The following RECQL variants were observed in gnomAD, a reference collection of about 807,000 sequenced individuals.
RECQL encodes RecQ like helicase.
RECQL carries 73 observed loss-of-function variants against 75.8 expected under a neutral mutation model. That is an observed-to-expected ratio of 0.96 (90% CI 0.80 to 1.17). The LOEUF is 1.17. Ranked by LOEUF, RECQL falls within the 50% of genes most tolerant of loss-of-function variation. The pLI, the probability that RECQL is intolerant of heterozygous loss-of-function variation, is 0.00. For synonymous variants in RECQL, 248 were observed against 254.4 expected (o/e 0.97, Z 0.24); for missense variants, 699 against 772.1 (o/e 0.91, Z 1.12).
chr12:21,483,891 T>C (rs1591981937), intron 5 of RECQL, among the ~76,000 whole-genome samples: 1 of 152,312 alleles, frequency 6.6e-6, no homozygotes, highest in Non-Finnish European at 1.5e-5. Context: ...AAATTGTTCA[T>C]AATATATTCT....
intron 7 of RECQL, 71 bp downstream of exon 7, chr12:21,477,728 TAAAC>T: frequency 7.9e-7 from 1 of 1,258,804 alleles, no homozygotes; most frequent in Non-Finnish European, 1.1e-6. Context: ...CTCATGTAAA[TAAAC>T]ATAATAAAAA....
rs192900691 is a variant in RECQL at position 21,487,070 on chromosome 12, T to C, written c.395-485A>G. Among the ~76,000 whole-genome samples, 169 of 145,048 alleles carry C rather than the reference T, an allele frequency of 1.2e-3. 2 individuals are homozygous for C. Among genetic ancestry groups the C allele is most frequent in the Admixed American group, 5.7e-4 (8 of 14,026 alleles). On this transcript the variant is annotated intron_variant, in intron 4 of 14. Coordinates refer to ENST00000444129, the MANE Select transcript of RECQL (RefSeq NM_002907.4). ...ACTTCTTACTCTCATTAATTAGATA[T>C]GAATAAATGACCAAACAAGGTAAGT...
At chr12:21,489,654 C>A (rs1439593702) in intron 4 of RECQL, among the ~76,000 whole-genome samples, 1 of 152,222 alleles carries the variant, frequency 6.6e-6, no homozygotes, top group Admixed American at 6.5e-5. Context: ...TCTTCCAGAG[C>A]TGCTTCTCCT....
chr12:21,495,439 A>G (rs1438265846), intron 2 of RECQL, among the ~76,000 whole-genome samples: 1 of 152,142 alleles, frequency 6.6e-6, no homozygotes, highest in East Asian at 1.9e-4. Context: ...TACTAAAAAT[A>G]CAAAAAATTA....
intron 2 of RECQL, among the ~76,000 whole-genome samples, chr12:21,498,756 C>G (rs980113437): frequency 6.6e-6 from 1 of 152,132 alleles, no homozygotes; most frequent in Non-Finnish European, 1.5e-5. Context: ...TAGGAAACTA[C>G]TAAGGCAAGT....
In RECQL at chr12:21,475,587, T is replaced by C. The variant is rs1591973610; in HGVS notation, c.1099-2A>G. ...AAATGCAACAGTTGCCACTACTACCTGAAATATTTTAACATTTTATCAGTT... is the reference window on the plus strand; with the variant it reads ...AAATGCAACAGTTGCCACTACTACCCGAAATATTTTAACATTTTATCAGTT... On this transcript the variant is annotated splice_acceptor_variant, in intron 9 of 14. Coordinates refer to ENST00000444129, the MANE Select transcript of RECQL (RefSeq NM_002907.4). LOFTEE classifies it high-confidence loss of function. 1 of 1,610,212 alleles carries C rather than the reference T, an allele frequency of 6.2e-7. No individual in the cohort carries two copies. Among genetic ancestry groups the C allele is most frequent in the Non-Finnish European group, 8.5e-7 (1 of 1,177,888 alleles).
At chr12:21,476,323 T>G (rs534648704) in intron 8 of RECQL, among the ~76,000 whole-genome samples, 1 of 152,150 alleles carries the variant, frequency 6.6e-6, no homozygotes, top group African/African-American at 2.4e-5. Context: ...GCAACCTTTC[T>G]CAAATTCATT....
chr12:21,475,713 G>A lies in RECQL; in HGVS notation c.1061C>T (p.Thr354Ile). Residue 354 changes from threonine (T) to isoleucine (I), a missense_variant, in exon 9 of 15, where the codon ACC becomes ATC. Transcript: ENST00000444129. ...YHANLEPEDK[T>I]TVHRKWSANE... ...GGCTGACCATTTTCTATGAACTGTG[G>A]TCTTATCTTCTGGCTCCAAATTGGC... is the stretch of plus-strand genomic sequence containing the variant. The A allele has an allele frequency of 1.9e-6, 3 of 1,613,406 alleles. No individual in the cohort carries two copies. The highest frequency in any genetic ancestry group is 2.5e-6 in the Non-Finnish European group (3 of 1,179,526).
rs376895551 is a variant in RECQL, at chr12:21,490,217, G to A, written c.376C>T (p.Pro126Ser). Residue 126 changes from proline to serine, a missense_variant, in exon 4 of 15, where the codon CCA becomes TCA. Physicochemically the swap from Pro to Ser is moderately conservative, Grantham distance 74. Transcript: ENST00000444129. Reference sequence around the variant, plus strand: ...TACATACCATCTGAACATAATGCTGGTAACTGGTAACATAAGCTCTTTCCA... The same window carrying A: ...TACATACCATCTGAACATAATGCTGATAACTGGTAACATAAGCTCTTTCCA... ...GGGKSLCYQLPALCSDGFTLV... is the reference protein window; with the variant it reads ...GGGKSLCYQLSALCSDGFTLV... 7.8e-5 allele frequency: 125 copies of A among 1,610,362 alleles called. No individual in the cohort carries two copies. The highest frequency in any genetic ancestry group is 1.1e-4 in the Non-Finnish European group (124 of 1,177,548).
At chr12:21,488,997 T>C (rs903339187) in intron 4 of RECQL, among the ~76,000 whole-genome samples, 2 of 152,220 alleles carry the variant, frequency 1.3e-5, no homozygotes, top group Non-Finnish European at 2.9e-5. Flanking sequence ...ACACTCTTCC[T>C]TCCCTGTCCC....
At chr12:21,475,415 A>AT in intron 10 of RECQL, 53 bp downstream of exon 10, 3 of 1,066,396 alleles carry the variant, frequency 2.8e-6, no homozygotes, top group Admixed American at 2.0e-5. Context: ...TTTATCATGT[A>AT]TTTTTTGGAA....
At chr12:21,492,250 A>T (rs1309180401) in intron 2 of RECQL, among the ~76,000 whole-genome samples, 1 of 152,204 alleles carries the variant, frequency 6.6e-6, no homozygotes, top group Non-Finnish European at 1.5e-5. Context: ...AGGATGTAAC[A>T]AGTAAGAGAA....
rs2136754431 is a variant in RECQL at position 21,491,512 on chromosome 12, AG to A, written c.214+6del. The A allele has an allele frequency of 3.2e-6, 5 of 1,565,180 alleles. No individual in the cohort carries two copies. Among genetic ancestry groups the A allele is most frequent in the South Asian group, 1.2e-5 (1 of 83,028 alleles). On this transcript the variant is annotated splice_donor_region_variant and intron_variant, in intron 3 of 14. Transcript: ENST00000444129. ...AAACTAGCAAAAAAAAAAAAAAAAA[AG>A]TTAACCTTCTTTATTCCAAGCGGCA... is the stretch of plus-strand genomic sequence containing the variant.
At chr12:21,471,313 T>G in intron 13 of RECQL, 115 bp downstream of exon 13, 1 of 1,038,284 alleles carries the variant, frequency 9.6e-7, no homozygotes, top group Non-Finnish European at 1.4e-6. Context: ...TAAATTACTT[T>G]CTATAGCATT....
At chr12:21,475,354 T>C in intron 10 of RECQL, 114 bp downstream of exon 10, 1 of 683,550 alleles carries the variant, frequency 1.5e-6, no homozygotes, top group Admixed American at 2.8e-5. Flanking sequence ...AAAAATACAT[T>C]GTTCTAAAAA....
intron 1 of RECQL, among the ~76,000 whole-genome samples, chr12:21,500,514 C>T (rs1943589716): frequency 1.3e-5 from 2 of 152,176 alleles, no homozygotes; most frequent in South Asian, 2.1e-4. Flanking sequence ...ACCACTAGGC[C>T]GGAAAGATAG....
Position 21,491,698 on chromosome 12 carries a change from T to G in RECQL, c.35A>C (p.Asp12Ala), listed in dbSNP as rs1237849728. The change falls in exon 3 of 15, where the codon GAT (aspartate) becomes GCT (alanine). Residue 12 changes from aspartate to alanine, a missense_variant. By Grantham distance (126) the Asp-to-Ala change is moderately radical. This residue lies in a region of RECQL where 669 missense variants were observed against 713.5 expected (regional missense o/e 0.94). Coordinates refer to ENST00000444129, the MANE Select transcript of RECQL (RefSeq NM_002907.4). ...ASVSALTEEL[D>A]SITSELHAVE... The stretch of plus-strand genomic sequence containing the variant: ...TGCATGTAGCTCACTGGTTATAGAA[T>G]CCAGTTCCTCAGTTAGAGCTATGGG... The G allele has an allele frequency of 1.2e-6, 2 of 1,612,108 alleles. No individual in the cohort carries two copies. The highest frequency in any genetic ancestry group is 8.5e-7 in the Non-Finnish European group (1 of 1,179,314).
chr12:21,491,700 C>G lies in RECQL; in HGVS notation c.33G>C (p.Leu11=). Residue 11 remains leucine (L), a synonymous_variant, in exon 3 of 15, where the codon CTG becomes CTC. Coordinates refer to ENST00000444129, the MANE Select transcript of RECQL (RefSeq NM_002907.4). ...CATGTAGCTCACTGGTTATAGAATC[C>G]AGTTCCTCAGTTAGAGCTATGGGAG... MASVSALTEE[L]DSITSELHAV... 2 of 1,611,784 alleles carry G rather than the reference C, an allele frequency of 1.2e-6. No individual in the cohort carries two copies. The highest frequency in any genetic ancestry group is 1.7e-6 in the Non-Finnish European group (2 of 1,179,196).
intron 3 of RECQL, among the ~76,000 whole-genome samples, chr12:21,490,921 G>A (rs1276121873): frequency 6.6e-6 from 1 of 152,110 alleles, no homozygotes; most frequent in Non-Finnish European, 1.5e-5. Flanking sequence ...AAGAAAGGAA[G>A]GTGTTTGATC....
Sources: allele counts gnomAD v4.1 joint callset (sites outside exome capture counted in the v4.1 genomes callset), GRCh38; gene constraint gnomAD v4.1.1; regional missense constraint gnomAD v4.1.1; transcripts MANE v1.5; gene names NCBI Gene and HGNC (gene_info 2026-07-23, HGNC 2026-07-21).